The following ESRRG variants were observed in gnomAD, a reference collection of about 807,000 sequenced individuals.
The protein encoded by ESRRG is estrogen related receptor gamma, also known as estrogen-related receptor gamma.
Under a neutral mutation model 44.0 loss-of-function variants are expected in ESRRG, and 13 were observed. The ratio of observed to expected loss-of-function variants is 0.30; its 90% CI spans 0.19 to 0.47. ESRRG has a LOEUF of 0.47. ESRRG is among the 20% of genes least tolerant of loss of function. ESRRG has a pLI of 1.00. For missense variants in ESRRG, 395 were observed against 580.6 expected (o/e 0.68, Z 3.29); for synonymous variants, 215 against 214.6 (o/e 1.00, Z -0.02).
intron 2 of ESRRG, among the ~76,000 whole-genome samples, chr1:216,659,158 TAAC>T (rs1396827780): frequency 6.6e-6 from 1 of 152,188 alleles, no homozygotes; most frequent in East Asian, 1.9e-4. Context: ...AGAACTGTCT[TAAC>T]ATCCCATTTA....
intron 2 of ESRRG, among the ~76,000 whole-genome samples, chr1:216,746,291 C>T (rs2091389498): frequency 6.6e-6 from 1 of 152,156 alleles, no homozygotes; most frequent in African/African-American, 2.4e-5. Context: ...TCTGCTACAA[C>T]ACATGCTTTT....
intron 1 of ESRRG, among the ~76,000 whole-genome samples, chr1:216,952,192 C>T (rs1184068437): frequency 6.6e-6 from 1 of 152,098 alleles, no homozygotes; most frequent in Middle Eastern, 3.2e-3. Context: ...ATTTGGGGCT[C>T]AGAACACTGT....
chr1:216,946,128 G>A (rs1335032828), intron 1 of ESRRG, among the ~76,000 whole-genome samples: 5 of 152,120 alleles, frequency 3.3e-5, no homozygotes, highest in East Asian at 1.9e-4. Context: ...AGCAATTGAC[G>A]TAAAATAAAC....
At chr1:217,063,983 T>G (rs1031921347) in intron 1 of ESRRG, among the ~76,000 whole-genome samples, 2 of 152,140 alleles carry the variant, frequency 1.3e-5, no homozygotes, top group African/African-American at 4.8e-5. Flanking sequence ...TTATGTCATT[T>G]AATCTTCACC....
At chr1:216,696,242 A>G (rs1439599454) in intron 1 of ESRRG, among the ~76,000 whole-genome samples, 1 of 152,330 alleles carries the variant, frequency 6.6e-6, no homozygotes, top group South Asian at 2.1e-4. Context: ...AACCAGAAAC[A>G]AACTTAAATT....
intron 2 of ESRRG, among the ~76,000 whole-genome samples, chr1:216,857,218 T>C (rs1297902767): frequency 6.6e-6 from 1 of 151,958 alleles, no homozygotes; most frequent in African/African-American, 2.4e-5. Flanking sequence ...TGAAAGACAA[T>C]TAAACCCTGG....
In ESRRG at chr1:216,685,446, C is replaced by T. The variant is rs146797122; in HGVS notation, c.57-7955G>A. Among the ~76,000 whole-genome samples the T allele has an allele frequency of 2.0e-5, 3 of 152,250 alleles. No individual in the cohort carries two copies. In the East Asian group the frequency reaches 5.8e-4, roughly 29 times the overall value. On this transcript the variant is annotated intron_variant, in intron 1 of 6. Transcript: ENST00000408911. Reference sequence around the variant, plus strand: ...CAGAAATATGGATCAATAAAGTTTGCTTGTGTTCAGACAATTCTGTTTTCA... The same window carrying T: ...CAGAAATATGGATCAATAAAGTTTGTTTGTGTTCAGACAATTCTGTTTTCA...
At chr1:216,801,733 G>A (rs1460255529) in intron 2 of ESRRG, among the ~76,000 whole-genome samples, 1 of 152,004 alleles carries the variant, frequency 6.6e-6, no homozygotes, top group Non-Finnish European at 1.5e-5. Flanking sequence ...TCATTTTTCT[G>A]TCCTCTTTGG....
chr1:217,044,092 G>A (rs1235900038), intron 1 of ESRRG, among the ~76,000 whole-genome samples: 1 of 152,104 alleles, frequency 6.6e-6, no homozygotes, highest in Non-Finnish European at 1.5e-5. Flanking sequence ...ATTGAATAAG[G>A]CAATAATTGG....
intron 1 of ESRRG, among the ~76,000 whole-genome samples, chr1:217,112,385 A>G (rs1457259187): frequency 2.0e-5 from 3 of 152,166 alleles, no homozygotes; most frequent in South Asian, 2.1e-4. Flanking sequence ...AAGGCCTTCA[A>G]GGAGATAAGA....
chr1:216,709,651 A>AT (rs892886333), intron 1 of ESRRG, among the ~76,000 whole-genome samples: 1 of 151,568 alleles, frequency 6.6e-6, no homozygotes, highest in African/African-American at 2.4e-5. Context: ...ATTAACTATG[A>AT]TTTTTTTGCC....
At chr1:216,568,442 C>G (rs1380342173) in intron 3 of ESRRG, among the ~76,000 whole-genome samples, 3 of 152,186 alleles carry the variant, frequency 2.0e-5, no homozygotes, top group Non-Finnish European at 4.4e-5. Context: ...TGGCATTTAG[C>G]ATCCTTTTCA....
chr1:217,060,656 C>A lies in ESRRG; in HGVS notation c.-106+28851G>T, dbSNP rs535627176. Among the ~76,000 whole-genome samples the A allele has an allele frequency of 5.9e-5, 9 of 152,144 alleles. No individual in the cohort carries two copies. The Middle Eastern group carries it at 0.014, about 230-fold the overall frequency. Reference sequence around the variant, plus strand: ...ATAGAAATCCACTCACTGTGCCATGCATATAAAATGAAGTTTATCCTAAGA... The same window carrying A: ...ATAGAAATCCACTCACTGTGCCATGAATATAAAATGAAGTTTATCCTAAGA... On this transcript the variant is annotated intron_variant, in intron 1 of 7. Transcript: ENST00000359162.
intron 4 of ESRRG, 81 bp downstream of exon 4, chr1:216,567,907 G>T: frequency 1.2e-6 from 1 of 848,210 alleles, no homozygotes; most frequent in Non-Finnish European, 2.0e-6. Flanking sequence ...CAGTAGGGAT[G>T]GGCATGCCAA....
At position 216,676,160 on chromosome 1, in the gene ESRRG, C is replaced by G. The variant is rs112083900; in HGVS notation, c.472+916G>C. ...AAGTGAATTACAAGAGACCTAAAAA[C>G]GTGAAATCTAATTTTTTTGCCAGAA... On this transcript the variant is annotated intron_variant, in intron 2 of 6. Transcript: ENST00000408911. Among the ~76,000 whole-genome samples the G allele has an allele frequency of 2.3e-3, 354 of 152,180 alleles. 3 individuals are homozygous for G. The highest frequency in any genetic ancestry group is 8.0e-3 in the African/African-American group (332 of 41,530).
At chr1:216,809,960 C>A (rs1417883505) in intron 2 of ESRRG, among the ~76,000 whole-genome samples, 3 of 152,116 alleles carry the variant, frequency 2.0e-5, no homozygotes, top group Non-Finnish European at 4.4e-5. Flanking sequence ...TCTCTGACAT[C>A]AATGAGATGA....
chr1:216,721,975 G>T (rs558004285), intron 1 of ESRRG, among the ~76,000 whole-genome samples: 14 of 152,284 alleles, frequency 9.2e-5, no homozygotes, highest in African/African-American at 3.4e-4. Context: ...GAGCATGGAT[G>T]TGGGTGGATG....
At chr1:216,571,264 G>A (rs61817007) in intron 3 of ESRRG, among the ~76,000 whole-genome samples, 1,807 of 152,170 alleles carry the variant, frequency 0.012, 18 homozygotes, top group Middle Eastern at 0.027. Flanking sequence ...CCAACATGGC[G>A]AGAACCCATC....
intron 1 of ESRRG, among the ~76,000 whole-genome samples, chr1:217,132,252 C>T (rs1580656821): frequency 6.6e-6 from 1 of 152,120 alleles, no homozygotes; most frequent in East Asian, 1.9e-4. Context: ...GCCTTGGCCT[C>T]CCAAAGTGCT....
Sources: gnomAD v4.1 joint callset for allele counts (sites outside exome capture counted in the v4.1 genomes callset) on GRCh38, gnomAD v4.1.1 for gene constraint, MANE v1.5 for transcripts, NCBI Gene and HGNC (gene_info 2026-07-23, HGNC 2026-07-21) for gene names.